The following PDE10A variants were observed in gnomAD, a reference collection of about 807,000 sequenced individuals.
PDE10A encodes the protein phosphodiesterase 10A, also known as cAMP and cAMP-inhibited cGMP 3',5'-cyclic phosphodiesterase 10A.
A neutral mutation model predicts 97.7 loss-of-function variants in PDE10A; 39 were observed. That is an observed-to-expected ratio of 0.40 (90% CI 0.31 to 0.52). The LOEUF is 0.52. Ranked by LOEUF, PDE10A falls within the 20% of genes least tolerant of loss-of-function variation. The probability of loss-of-function intolerance (pLI) is 0.56; values close to 1 mark genes in which losing one functional copy is unlikely to be tolerated. For synonymous variants in PDE10A, 371 were observed against 376.8 expected, an observed-to-expected ratio of 0.98 and a Z score of 0.18; for missense variants, 731 against 1,047.8, an observed-to-expected ratio of 0.70 and a Z score of 4.17.
At chr6:165,832,406 C>T (rs1779946166) in intron 1 of PDE10A, among the ~76,000 whole-genome samples, 1 of 145,358 alleles carries the variant, frequency 6.9e-6, no homozygotes, top group Non-Finnish European at 1.5e-5. Flanking sequence ...TGGAGCTGGA[C>T]TTAGAATCCT....
At position 165,711,443 on chromosome 6, in the gene PDE10A, C is replaced by T. The variant is rs1791893104; in HGVS notation, c.-614-167875G>A. Among the ~76,000 whole-genome samples the T allele has an allele frequency of 1.3e-5, 2 of 152,158 alleles. No individual in the cohort carries two copies. Among genetic ancestry groups the T allele is most frequent in the South Asian group, 4.1e-4 (2 of 4,830 alleles). ...CCAGAAATTCATGTTAGCTAGAACA[C>T]CCTGCTTCTGGTCTTGTCTGGTGGA... On this transcript the variant is annotated intron_variant, in intron 1 of 19. Transcript: ENST00000366882. The surrounding 1 kb of genome is among the most constrained non-coding windows in gnomAD (Gnocchi z 4.5).
At chr6:165,828,354 G>C (rs1779817979) in intron 1 of PDE10A, among the ~76,000 whole-genome samples, 1 of 152,232 alleles carries the variant, frequency 6.6e-6, no homozygotes, top group Non-Finnish European at 1.5e-5. Context: ...ATGCCCATTT[G>C]AGAATAAGCT....
chr6:165,369,040 A>C (rs1197138566), intron 18 of PDE10A, among the ~76,000 whole-genome samples: 1 of 152,110 alleles, frequency 6.6e-6, no homozygotes, highest in Non-Finnish European at 1.5e-5. Context: ...AAGGAAAACT[A>C]ACAAACAGAA....
chr6:165,599,121 T>A (rs2128393346), intron 1 of PDE10A, among the ~76,000 whole-genome samples: 1 of 152,334 alleles, frequency 6.6e-6, no homozygotes, highest in African/African-American at 2.4e-5. Flanking sequence ...TGTGAAGGAA[T>A]TTTAAAGGAA....
intron 1 of PDE10A, among the ~76,000 whole-genome samples, chr6:165,703,928 A>G (rs1562693879): frequency 6.6e-6 from 1 of 152,180 alleles, no homozygotes; most frequent in Admixed American, 6.5e-5. Context: ...AGATGAATGG[A>G]TGGAAGGATG....
intron 1 of PDE10A, among the ~76,000 whole-genome samples, chr6:165,601,107 A>G (rs828562): frequency 0.62 from 94,204 of 152,070 alleles, 31,477 homozygotes; most frequent in African/African-American, 0.88. Flanking sequence ...TGCTACTCTC[A>G]TGATAGAGAA....
At chr6:165,644,312 C>T (rs549236956) in intron 1 of PDE10A, among the ~76,000 whole-genome samples, 9 of 152,206 alleles carry the variant, frequency 5.9e-5, no homozygotes, top group Non-Finnish European at 1.3e-4. Context: ...CTGCCGGCCT[C>T]GGCCTCCCAA....
At chr6:165,619,545 TAGTG>T (rs1788001190) in intron 1 of PDE10A, among the ~76,000 whole-genome samples, 1 of 149,326 alleles carries the variant, frequency 6.7e-6, no homozygotes, top group Non-Finnish European at 1.5e-5. Context: ...TAATGTAGTG[TAGTG>T]TAGTCTAGTG....
intron 1 of PDE10A, among the ~76,000 whole-genome samples, chr6:165,982,559 T>A (rs969793701): frequency 2.6e-5 from 4 of 152,214 alleles, no homozygotes; most frequent in Non-Finnish European, 5.9e-5. Flanking sequence ...GGTTTCTAAC[T>A]ACAGTGTAAC....
chr6:165,912,504 A>G (rs1782490848), intron 1 of PDE10A, among the ~76,000 whole-genome samples: 1 of 152,166 alleles, frequency 6.6e-6, no homozygotes, highest in Non-Finnish European at 1.5e-5. Flanking sequence ...TGCAGTCTAC[A>G]CAGTGCTACA....
chr6:165,918,588 T>C (rs1782669745), intron 1 of PDE10A, among the ~76,000 whole-genome samples: 1 of 152,256 alleles, frequency 6.6e-6, no homozygotes. Flanking sequence ...ACTTAAGTTA[T>C]TGCCTTTTAA....
intron 1 of PDE10A, among the ~76,000 whole-genome samples, chr6:165,925,225 T>TA (rs1237570814): frequency 6.6e-6 from 1 of 151,944 alleles, no homozygotes. Context: ...ATACAAAAAA[T>TA]AAAAAACACT....
Position 165,428,699 on chromosome 6 carries a change from CA to C in PDE10A, c.1611del (p.Phe537LeufsTer4). On this transcript the variant is annotated frameshift_variant, in exon 10 of 22. Transcript: ENST00000539869. LOFTEE classifies it high-confidence loss of function. ...AGAGAATCTATTGCAACTATGTTAT[CA>C]AAATATGTTCTGAAAAAAAGAAACA... ...DFLLDVSKTYFDNIVAIDSLL... is the reference protein window; with the variant it reads ...DFLLDVSKTYXDNIVAIDSLL... The C allele has an allele frequency of 1.6e-6, 2 of 1,288,178 alleles. No individual in the cohort carries two copies. Among genetic ancestry groups the C allele is most frequent in the Non-Finnish European group, 2.2e-6 (2 of 898,642 alleles). 79.8% of individuals were successfully genotyped at this position (1,288,178 alleles called of 1,614,324 possible). A position where few individuals can be genotyped will look rare whatever the true frequency, so the allele number is the denominator to read the frequency against.
At position 165,843,823 on chromosome 6, in the gene PDE10A, C is replaced by T. The variant is rs927648616; in HGVS notation, c.-615+143706G>A. Among the ~76,000 whole-genome samples the T allele has an allele frequency of 9.8e-5, 15 of 152,312 alleles. No homozygotes were observed. The East Asian group carries it at 2.7e-3, about 27-fold the overall frequency. Reference sequence around the variant, plus strand: ...CTATCCCGGAGGGGCAGGGCAGTCACTGAAGGTTTTATCTGAGGAGCAAAG... The same window carrying T: ...CTATCCCGGAGGGGCAGGGCAGTCATTGAAGGTTTTATCTGAGGAGCAAAG... On this transcript the variant is annotated intron_variant, in intron 1 of 19. Coordinates refer to the PDE10A transcript ENST00000366882.
intron 1 of PDE10A, among the ~76,000 whole-genome samples, chr6:165,816,021 C>T (rs985451752): frequency 6.6e-6 from 1 of 151,944 alleles, no homozygotes; most frequent in African/African-American, 2.4e-5. Context: ...GTGATCTCAA[C>T]TCACTGCAAG....
chr6:165,910,893 C>T (rs772610724), intron 1 of PDE10A: 4 of 152,120 alleles, frequency 2.6e-5, no homozygotes, highest in Non-Finnish European at 5.9e-5. Flanking sequence ...TGATATGCAC[C>T]GTCAGAGATA....
intron 5 of PDE10A, among the ~76,000 whole-genome samples, chr6:165,446,696 G>A (rs1248793610): frequency 6.6e-6 from 1 of 152,174 alleles, no homozygotes; most frequent in East Asian, 1.9e-4. Flanking sequence ...TGTTGAGAAA[G>A]CAAAATACAG....
At chr6:165,805,110 G>C (rs958988641) in intron 1 of PDE10A, among the ~76,000 whole-genome samples, 1 of 148,590 alleles carries the variant, frequency 6.7e-6, no homozygotes, top group African/African-American at 2.5e-5. Context: ...GTCGAGCAGA[G>C]GGGCGCATGG....
At chr6:165,577,631 C>A (rs1234272446) in intron 1 of PDE10A, among the ~76,000 whole-genome samples, 1 of 152,188 alleles carries the variant, frequency 6.6e-6, no homozygotes, top group Admixed American at 6.5e-5. Flanking sequence ...TCCCCTCACT[C>A]TTGGAGCTCC....
Sources: allele counts gnomAD v4.1 joint callset (sites outside exome capture counted in the v4.1 genomes callset), GRCh38; gene constraint gnomAD v4.1.1; non-coding constraint Gnocchi (gnomAD v3.1); transcripts MANE v1.5; gene names NCBI Gene and HGNC (gene_info 2026-07-23, HGNC 2026-07-21).